GNAS: variants seen among roughly 807,000 people sequenced by gnomAD.
GNAS encodes protein ALEX.
GNAS carries 8 observed loss-of-function variants against 54.5 expected under a neutral mutation model. That is an observed-to-expected ratio of 0.15 (90% CI 0.09 to 0.26). GNAS has a LOEUF of 0.26. Ranked by LOEUF, GNAS falls within the 10% of genes least tolerant of loss-of-function variation. The probability of loss-of-function intolerance (pLI) is 1.00; values close to 1 mark genes in which losing one functional copy is unlikely to be tolerated. For missense variants in GNAS, 170 were observed against 529.8 expected (o/e 0.32, Z 6.67); for synonymous variants, 204 against 191.4 (o/e 1.07, Z -0.54).
chr20:58,875,225 T>A (rs1427675932), intron 1 of GNAS, among the ~76,000 whole-genome samples: 1 of 152,184 alleles, frequency 6.6e-6, no homozygotes, highest in East Asian at 1.9e-4. Flanking sequence ...GCCTGAATTT[T>A]GTGTTCTGGG....
upstream of GNAS, chr20:58,891,274 T>C (rs1240101903): frequency 2.3e-5 from 3 of 133,246 alleles, no homozygotes; most frequent in East Asian, 4.9e-4. Flanking sequence ...TCCTCGGCCC[T>C]CCTCCTCCTC....
intron 1 of GNAS, among the ~76,000 whole-genome samples, chr20:58,858,898 T>C (rs540234055): frequency 3.3e-5 from 5 of 152,314 alleles, no homozygotes; most frequent in African/African-American, 1.2e-4. Context: ...CCACAAAATT[T>C]TGGAGTCCAG....
intron 1 of GNAS, among the ~76,000 whole-genome samples, chr20:58,894,551 G>A (rs1351135019): frequency 6.6e-6 from 1 of 151,956 alleles, no homozygotes; most frequent in African/African-American, 2.4e-5. Context: ...GTGGAAGGAG[G>A]GCAAAAAAAC....
rs1009728200 is a variant in GNAS, at chr20:58,841,120, G to C, written c.43+234G>C. Among the ~76,000 whole-genome samples the C allele has an allele frequency of 1.3e-5, 2 of 152,066 alleles. No homozygotes were observed. Among genetic ancestry groups the C allele is most frequent in the African/African-American group, 2.4e-5 (1 of 41,422 alleles). Reference sequence around the variant, plus strand: ...TTGGACGGCGGGGCGCACGCCGTGCGTCCCGCTGGAGACAACCTGAGGTCT... The same window carrying C: ...TTGGACGGCGGGGCGCACGCCGTGCCTCCCGCTGGAGACAACCTGAGGTCT... On this transcript the variant is annotated intron_variant, in intron 1 of 12. Coordinates refer to the GNAS transcript ENST00000306090. The surrounding 1 kb of genome is among the most constrained non-coding windows in gnomAD (Gnocchi z 5.0).
chr20:58,842,108 A>G (rs1448082866), intron 1 of GNAS: 12 of 400,368 alleles, frequency 3.0e-5, no homozygotes, highest in Non-Finnish European at 4.8e-5. Context: ...GGGTAGAGTT[A>G]AGTTTAATCT....
At chr20:58,880,143 A>G (rs1446874118) in intron 1 of GNAS, among the ~76,000 whole-genome samples, 1 of 152,178 alleles carries the variant, frequency 6.6e-6, no homozygotes, top group African/African-American at 2.4e-5. Context: ...AGATGGGGGA[A>G]GAAGGGAACA....
In GNAS at chr20:58,891,878, G is replaced by A. The variant is rs1252435752; in HGVS notation, c.139+13G>A. The A allele has an allele frequency of 1.7e-6, 2 of 1,160,092 alleles. No homozygotes were observed. Among genetic ancestry groups the A allele is most frequent in the Admixed American group, 2.5e-5 (1 of 39,306 alleles). 71.9% of individuals were successfully genotyped at this position (1,160,092 alleles called of 1,614,324 possible). On this transcript the variant is annotated intron_variant, in intron 1 of 12. Transcript: ENST00000371085. ...CTGCTGCTGCTGGGTAAGGGCGGGCGGGGGGCGCCGGCCCCGGCCCGGGGG... is the reference window on the plus strand; with the variant it reads ...CTGCTGCTGCTGGGTAAGGGCGGGCAGGGGGCGCCGGCCCCGGCCCGGGGG...
At chr20:58,881,933 C>T (rs2088247955) in intron 1 of GNAS, 1 of 152,194 alleles carries the variant, frequency 6.6e-6, no homozygotes, top group South Asian at 2.1e-4. Context: ...TCCCTAAAAT[C>T]CTCCAAGAGC....
chr20:58,849,554 A>C (rs945001614), intron 1 of GNAS, among the ~76,000 whole-genome samples: 1 of 152,194 alleles, frequency 6.6e-6, no homozygotes, highest in African/African-American at 2.4e-5. Context: ...TCTCCATCCC[A>C]ACTGCCCAAA....
At chr20:58,843,793 TTGTA>T (rs1377767911) in intron 1 of GNAS, among the ~76,000 whole-genome samples, 1 of 152,232 alleles carries the variant, frequency 6.6e-6, no homozygotes, top group Non-Finnish European at 1.5e-5. Context: ...AAAGGTGCTC[TTGTA>T]ACTGAACTTA....
intron 3 of GNAS, 165 bp from the exon 4 acceptor site, chr20:58,903,366 T>C: frequency 1.4e-6 from 1 of 724,078 alleles, no homozygotes; most frequent in Non-Finnish European, 2.5e-6. Flanking sequence ...GGTTATAATT[T>C]GCAACTATGT....
At chr20:58,846,651 G>A (rs112114581) in intron 1 of GNAS, among the ~76,000 whole-genome samples, 3 of 152,214 alleles carry the variant, frequency 2.0e-5, no homozygotes, top group Admixed American at 6.5e-5. Flanking sequence ...GCCAAAGACC[G>A]GCAGCCAGCA....
At chr20:58,899,246 A>G (rs969541176) in intron 3 of GNAS, among the ~76,000 whole-genome samples, 3 of 152,206 alleles carry the variant, frequency 2.0e-5, no homozygotes, top group Non-Finnish European at 2.9e-5. Flanking sequence ...GCCTTGGATG[A>G]TCAGTTTAGG....
intron 1 of GNAS, chr20:58,854,907 G>T (rs760016801): frequency 6.3e-7 from 1 of 1,596,044 alleles, no homozygotes; most frequent in Non-Finnish European, 8.5e-7. Flanking sequence ...GCCTACTCGC[G>T]CGTCTGCCTG....
rs2091323067 is a variant in GNAS, at chr20:58,909,877, C to A, written c.839+73C>A. 9.3e-6 allele frequency: 15 copies of A among 1,612,266 alleles called. No homozygotes were observed. Among genetic ancestry groups the A allele is most frequent in the African/African-American group, 1.3e-5 (1 of 75,024 alleles). ...GTCTGCACTGTTTATAGAGAAGAACCCCGTGCAAGCATTCCAGACCCCTGG... is the reference window on the plus strand; with the variant it reads ...GTCTGCACTGTTTATAGAGAAGAACACCGTGCAAGCATTCCAGACCCCTGG... On this transcript the variant is annotated intron_variant, in intron 10 of 12. Transcript: ENST00000371085. This position sits in a 1 kb window ranked among gnomAD's most constrained non-coding sequence, Gnocchi z 7.3.
At chr20:58,900,293 T>C in intron 3 of GNAS, 1 of 392,176 alleles carries the variant, frequency 2.5e-6, no homozygotes, top group Non-Finnish European at 4.6e-6. Context: ...CTAGATGTCC[T>C]GCTAAACCCT....
intron 1 of GNAS, chr20:58,854,145 A>C: frequency 1.2e-6 from 2 of 1,612,504 alleles, no homozygotes; most frequent in Non-Finnish European, 1.7e-6. Context: ...ACCTCCTTCT[A>C]ACTTCACGGG....
chr20:58,858,795 T>C (rs748805199), intron 1 of GNAS, among the ~76,000 whole-genome samples: 5 of 152,178 alleles, frequency 3.3e-5, no homozygotes, highest in Non-Finnish European at 5.9e-5. Context: ...TTTCTCTCTC[T>C]CTCTCTCTCT....
chr20:58,895,917 C>T (rs1332619693), intron 2 of GNAS, among the ~76,000 whole-genome samples: 1 of 151,982 alleles, frequency 6.6e-6, no homozygotes, highest in African/African-American at 2.4e-5. Flanking sequence ...TTGTGACAAA[C>T]ATCTCCCTAT....
Sources: gnomAD v4.1 joint callset for allele counts (sites outside exome capture counted in the v4.1 genomes callset) on GRCh38, gnomAD v4.1.1 for gene constraint, Gnocchi (gnomAD v3.1) non-coding constraint, MANE v1.5 for transcripts, NCBI Gene and HGNC (gene_info 2026-07-23, HGNC 2026-07-21) for gene names.